Variants in IQSEC1 observed in about 807,000 individuals in gnomAD.
IQSEC1 encodes the protein IQ motif and Sec7 domain ArfGEF 1.
In IQSEC1, 31 loss-of-function variants were observed where a neutral mutation model predicts 91.0. That is an observed-to-expected ratio of 0.34 (90% CI 0.26 to 0.46). IQSEC1 has a LOEUF of 0.46. Among genes scored for constraint, IQSEC1 ranks in the 20% least tolerant of loss-of-function variants. IQSEC1 has a pLI of 1.00. For synonymous variants in IQSEC1, 699 were observed against 662.6 expected, an observed-to-expected ratio of 1.05 and a Z score of -0.84; for missense variants, 1,388 against 1,575.6, an observed-to-expected ratio of 0.88 and a Z score of 2.02.
intron 1 of IQSEC1, among the ~76,000 whole-genome samples, chr3:13,057,922 C>A (rs1465687503): frequency 1.3e-5 from 2 of 152,242 alleles, no homozygotes; most frequent in Non-Finnish European, 2.9e-5. Context: ...GCCAGGAACC[C>A]AGACAGCAGG....
At chr3:13,064,081 T>G (rs535067774) in intron 1 of IQSEC1, among the ~76,000 whole-genome samples, 2 of 152,076 alleles carry the variant, frequency 1.3e-5, no homozygotes, top group South Asian at 4.1e-4. Flanking sequence ...TACAAAACTA[T>G]AGGATCCATC....
chr3:13,152,119 A>T (rs997799090), intron 2 of IQSEC1, among the ~76,000 whole-genome samples: 48 of 152,248 alleles, frequency 3.2e-4, no homozygotes, highest in African/African-American at 1.1e-3. Context: ...CAATTGCAAT[A>T]GTCAGAGTGG....
At chr3:13,056,685 AG>A (rs1262723480) in intron 1 of IQSEC1, among the ~76,000 whole-genome samples, 1 of 151,104 alleles carries the variant, frequency 6.6e-6, no homozygotes, top group East Asian at 2.0e-4. Flanking sequence ...ATCTCCAACC[AG>A]GAAGAACATT....
At chr3:13,139,661 C>G (rs1211113745) in intron 2 of IQSEC1, among the ~76,000 whole-genome samples, 1 of 152,226 alleles carries the variant, frequency 6.6e-6, no homozygotes, top group Non-Finnish European at 1.5e-5. Flanking sequence ...AGCTGGGGCT[C>G]TGTTCTCAGA....
intron 1 of IQSEC1, among the ~76,000 whole-genome samples, chr3:13,048,464 C>T (rs548447561): frequency 1.6e-4 from 25 of 152,336 alleles, no homozygotes; most frequent in Non-Finnish European, 2.5e-4. Flanking sequence ...GGCACCCACA[C>T]CCCCCATCGC....
intron 1 of IQSEC1, among the ~76,000 whole-genome samples, chr3:13,071,160 T>TTG (rs1258462044): frequency 5.8e-5 from 7 of 119,840 alleles, no homozygotes; most frequent in Non-Finnish European, 1.3e-4. Flanking sequence ...TTTGTTTTTT[T>TTG]TTTTTTGTTT....
At chr3:12,998,183 C>G (rs756232238) in intron 1 of IQSEC1, among the ~76,000 whole-genome samples, 1 of 152,124 alleles carries the variant, frequency 6.6e-6, no homozygotes, top group Non-Finnish European at 1.5e-5. Context: ...AACACCGTCT[C>G]TACTAAAAAC....
chr3:13,066,049 G>C (rs1201503771), intron 1 of IQSEC1, among the ~76,000 whole-genome samples: 1 of 152,226 alleles, frequency 6.6e-6, no homozygotes. Flanking sequence ...CAGGGACAGA[G>C]AGCAGAATGG....
At chr3:12,913,606 C>A in intron 8 of IQSEC1, 53 bp from the exon 9 acceptor site, 1 of 1,564,276 alleles carries the variant, frequency 6.4e-7, no homozygotes, top group Non-Finnish European at 8.7e-7. Context: ...CTCTAGGAGC[C>A]CTGGGGGCCG....
chr3:12,914,603 G>A (rs927650903), intron 8 of IQSEC1, among the ~76,000 whole-genome samples: 8 of 152,148 alleles, frequency 5.3e-5, no homozygotes, highest in African/African-American at 1.4e-4. Flanking sequence ...CAGGCAGAGC[G>A]GCTTTCAGGA....
upstream of IQSEC1, among the ~76,000 whole-genome samples, chr3:13,073,559 G>C (rs499603): frequency 0.49 from 74,907 of 152,120 alleles, 19,597 homozygotes; most frequent in Middle Eastern, 0.76. Context: ...GCGGCCGCTC[G>C]GCTGCGCCCT....
chr3:13,231,557 G>A (rs528247910), intron 1 of IQSEC1, among the ~76,000 whole-genome samples: 1 of 106,398 alleles, frequency 9.4e-6, no homozygotes, highest in Non-Finnish European at 2.0e-5. Context: ...ACCTCCCAAC[G>A]GCCCCACCTT....
intron 1 of IQSEC1, among the ~76,000 whole-genome samples, chr3:13,016,854 C>T (rs1703156760): frequency 6.6e-6 from 1 of 152,206 alleles, no homozygotes; most frequent in Admixed American, 6.5e-5. Context: ...TCACCACTAT[C>T]TATGTTTAGC....
In IQSEC1 at chr3:12,962,427, A is replaced by G. The variant is rs918143286; in HGVS notation, c.24-20562T>C. On this transcript the variant is annotated intron_variant, in intron 1 of 13. Transcript: ENST00000613206. ...CAGACTCTGATCCGGTCTGGGCAGC[A>G]GGGGATTTTGGGAGAACCCTTCCAG... 9.9e-5 allele frequency among the ~76,000 whole-genome samples: 15 copies of G among 152,252 alleles called. 1 individual carries two copies. Among genetic ancestry groups the G allele is most frequent in the Admixed American group, 5.2e-4 (8 of 15,292 alleles).
At chr3:13,049,518 G>A (rs1704614393) in intron 1 of IQSEC1, among the ~76,000 whole-genome samples, 1 of 152,268 alleles carries the variant, frequency 6.6e-6, no homozygotes, top group Non-Finnish European at 1.5e-5. Flanking sequence ...ACTTCACAGA[G>A]GCTGAAGGTA....
chr3:13,062,117 A>G (rs2125090577), intron 1 of IQSEC1, among the ~76,000 whole-genome samples: 1 of 152,322 alleles, frequency 6.6e-6, no homozygotes, highest in South Asian at 2.1e-4. Context: ...ATTCACTGAC[A>G]GTAATCACGG....
chr3:12,950,054 C>G (rs1699440019), intron 1 of IQSEC1, among the ~76,000 whole-genome samples: 1 of 152,238 alleles, frequency 6.6e-6, no homozygotes, highest in Non-Finnish European at 1.5e-5. Context: ...TGCTCACCCA[C>G]TATGCCACTA....
chr3:13,045,923 CTG>C (rs1704477225), intron 1 of IQSEC1, among the ~76,000 whole-genome samples: 1 of 152,218 alleles, frequency 6.6e-6, no homozygotes, highest in Non-Finnish European at 1.5e-5. Flanking sequence ...AAAATGGGGG[CTG>C]TGTGTTCACC....
chr3:12,919,958 C>A (rs1176499323), intron 6 of IQSEC1, among the ~76,000 whole-genome samples: 1 of 152,238 alleles, frequency 6.6e-6, no homozygotes, highest in East Asian at 1.9e-4. Context: ...GTGCCAGCAG[C>A]CGGAAGCCGC....
Sources: allele counts gnomAD v4.1 joint callset (sites outside exome capture counted in the v4.1 genomes callset), GRCh38; gene constraint gnomAD v4.1.1; transcripts MANE v1.5; gene names NCBI Gene and HGNC (gene_info 2026-07-23, HGNC 2026-07-21).